The following ADAMTS17 variants were observed in gnomAD, a reference collection of about 807,000 sequenced individuals.
The protein encoded by ADAMTS17 is ADAM metallopeptidase with thrombospondin type 1 motif 17.
ADAMTS17 carries 113 observed loss-of-function variants against 141.5 expected under a neutral mutation model. That is an observed-to-expected ratio of 0.80 (90% CI 0.69 to 0.93). The LOEUF (loss-of-function observed/expected upper bound fraction) is 0.93, where lower values mean the gene tolerates loss of function less well. Ranked by LOEUF, ADAMTS17 falls within the 40% of genes least tolerant of loss-of-function variation. The pLI, the probability that ADAMTS17 is intolerant of heterozygous loss-of-function variation, is 0.00. For missense variants in ADAMTS17, 1,659 were observed against 1,517.9 expected (o/e 1.09, Z -1.54); for synonymous variants, 768 against 630.6 (o/e 1.22, Z -3.27).
intron 15 of ADAMTS17, among the ~76,000 whole-genome samples, chr15:100,091,010 C>CAAAAAAAAAAAAAAAAAAAAAAA (rs556800178): frequency 1.8e-5 from 1 of 54,608 alleles, no homozygotes; most frequent in African/African-American, 7.1e-5. Flanking sequence ...TCCGTCTCAA[C>CAAAAAAAAAAAAAAAAAAAAAAA]AAAAAAAAAA....
intron 7 of ADAMTS17, among the ~76,000 whole-genome samples, chr15:100,253,913 T>C (rs1017755321): frequency 6.6e-6 from 1 of 152,110 alleles, no homozygotes; most frequent in Non-Finnish European, 1.5e-5. Flanking sequence ...TCACTCTTCA[T>C]AGCTTCCTTA....
chr15:100,036,674 T>C (rs111273000), intron 18 of ADAMTS17, among the ~76,000 whole-genome samples: 4,405 of 152,336 alleles, frequency 0.029, 222 homozygotes, highest in African/African-American at 0.097. Flanking sequence ...CACTACAATC[T>C]AGGATCTTTT....
intron 2 of ADAMTS17, among the ~76,000 whole-genome samples, chr15:100,337,019 G>T (rs543635245): frequency 6.6e-6 from 1 of 152,084 alleles, no homozygotes; most frequent in Non-Finnish European, 1.5e-5. Flanking sequence ...GATTACAGGC[G>T]CCCACCACCA....
intron 15 of ADAMTS17, among the ~76,000 whole-genome samples, chr15:100,064,972 A>G (rs2033410592): frequency 6.6e-6 from 1 of 152,246 alleles, no homozygotes; most frequent in South Asian, 2.1e-4. Flanking sequence ...CACCAGAATC[A>G]TGAGCGGAGC....
rs144856483 is a variant in ADAMTS17, at chr15:100,017,589, G to C, written c.2592-20000C>G. 7.0e-4 allele frequency among the ~76,000 whole-genome samples: 107 copies of C among 152,326 alleles called. 1 individual carries two copies. The highest frequency in any genetic ancestry group is 2.5e-3 in the African/African-American group (105 of 41,576). ...TCACTCGACTCTGTAAACTAACTCA[G>C]CTCCAGGTAAGGATGGAAACTTCCC... On this transcript the variant is annotated intron_variant, in intron 18 of 21. Transcript: ENST00000268070.
intron 15 of ADAMTS17, among the ~76,000 whole-genome samples, chr15:100,074,387 A>G (rs2034218963): frequency 1.5e-5 from 2 of 133,960 alleles, no homozygotes; most frequent in Admixed American, 7.5e-5. Flanking sequence ...GCATAATATA[A>G]TCATATTAAA....
At chr15:100,014,267 TTCTC>T (rs1282685500) in intron 18 of ADAMTS17, among the ~76,000 whole-genome samples, 1 of 152,208 alleles carries the variant, frequency 6.6e-6, no homozygotes, top group African/African-American at 2.4e-5. Context: ...TATTTGGATT[TTCTC>T]TCTTCTTTTC....
At chr15:100,143,511 T>C (rs1165826499) in intron 10 of ADAMTS17, among the ~76,000 whole-genome samples, 1 of 152,234 alleles carries the variant, frequency 6.6e-6, no homozygotes, top group East Asian at 1.9e-4. Context: ...TTGAAATGCT[T>C]TATTGAATTA....
chr15:100,332,973 T>C (rs989968466), intron 2 of ADAMTS17, among the ~76,000 whole-genome samples: 2 of 152,136 alleles, frequency 1.3e-5, no homozygotes, highest in Admixed American at 1.3e-4. Context: ...CCTCCCTCAC[T>C]GTCTCACTGT....
chr15:100,110,878 G>C (rs1363719953), intron 13 of ADAMTS17, among the ~76,000 whole-genome samples: 1 of 152,172 alleles, frequency 6.6e-6, no homozygotes, highest in Non-Finnish European at 1.5e-5. Flanking sequence ...TGTCAGAGCA[G>C]ACGTGCTGTC....
intron 7 of ADAMTS17, among the ~76,000 whole-genome samples, chr15:100,221,157 C>T (rs1004008094): frequency 6.6e-6 from 1 of 151,852 alleles, no homozygotes; most frequent in African/African-American, 2.4e-5. Flanking sequence ...TTTTTTTAAA[C>T]AGTGACACCT....
intron 18 of ADAMTS17, among the ~76,000 whole-genome samples, chr15:100,047,773 TG>T (rs1485714159): frequency 2.6e-5 from 4 of 152,292 alleles, no homozygotes; most frequent in Non-Finnish European, 5.9e-5. Flanking sequence ...GTCTTTACAG[TG>T]GCAAATCCTC....
intron 3 of ADAMTS17, among the ~76,000 whole-genome samples, chr15:100,326,233 AACTC>A (rs1362922506): frequency 6.6e-6 from 1 of 152,234 alleles, no homozygotes; most frequent in Non-Finnish European, 1.5e-5. Context: ...AACTTAAAGA[AACTC>A]AAAGTAGCAA....
chr15:100,134,598 G>A (rs1304382090), intron 10 of ADAMTS17, among the ~76,000 whole-genome samples: 2 of 152,196 alleles, frequency 1.3e-5, no homozygotes, highest in African/African-American at 4.8e-5. Context: ...TTAGAGGTCT[G>A]CTCTTCCAAG....
chr15:100,318,145 T>C (rs566601846), intron 3 of ADAMTS17, among the ~76,000 whole-genome samples: 54 of 152,252 alleles, frequency 3.5e-4, no homozygotes, highest in Middle Eastern at 3.4e-3. Context: ...ATGACATTTC[T>C]GACACGCCTG....
chr15:100,303,694 C>T (rs2045122215), intron 3 of ADAMTS17, among the ~76,000 whole-genome samples: 1 of 152,042 alleles, frequency 6.6e-6, no homozygotes. Flanking sequence ...CAGTTTTAAT[C>T]AGCTTTTTTA....
chr15:100,005,718 A>G (rs1001182936), intron 18 of ADAMTS17, among the ~76,000 whole-genome samples: 1 of 152,208 alleles, frequency 6.6e-6, no homozygotes, highest in African/African-American at 2.4e-5. Context: ...ACAACTGACT[A>G]CCAACCTGTA....
chr15:100,243,789 T>TAAAAAAAAAAAA (rs547134930), intron 7 of ADAMTS17, among the ~76,000 whole-genome samples: 1 of 93,472 alleles, frequency 1.1e-5, no homozygotes, highest in African/African-American at 4.4e-5. Context: ...GACTCCATCT[T>TAAAAAAAAAAAA]AAAAAAAAAA....
At chr15:100,091,713 G>T (rs2035480867) in intron 15 of ADAMTS17, among the ~76,000 whole-genome samples, 1 of 152,150 alleles carries the variant, frequency 6.6e-6, no homozygotes, top group Non-Finnish European at 1.5e-5. Context: ...GGACTGAAAA[G>T]GTACCATGAT....
Sources: gnomAD v4.1 joint callset for allele counts (sites outside exome capture counted in the v4.1 genomes callset) on GRCh38, gnomAD v4.1.1 for gene constraint, MANE v1.5 for transcripts, NCBI Gene and HGNC (gene_info 2026-07-23, HGNC 2026-07-21) for gene names.